The following C11orf65 variants were observed in gnomAD, a reference collection of about 807,000 sequenced individuals.
The protein encoded by C11orf65 is chromosome 11 open reading frame 65.
In C11orf65, 38 loss-of-function variants were observed where a neutral mutation model predicts 35.3. That is an observed-to-expected ratio of 1.08 (90% CI 0.83 to 1.41). The LOEUF is 1.41. C11orf65 is among the 40% of genes most tolerant of loss of function. C11orf65 has a pLI of 0.00. For missense variants in C11orf65, 370 were observed against 367.1 expected, an observed-to-expected ratio of 1.01 and a Z score of -0.06; for synonymous variants, 105 against 114.4, an observed-to-expected ratio of 0.92 and a Z score of 0.53.
intron 2 of C11orf65, chr11:108,368,997 A>G (rs970354150): frequency 2.2e-5 from 4 of 183,816 alleles, no homozygotes; most frequent in African/African-American, 9.4e-5. Flanking sequence ...TTGCACCTTA[A>G]TGAAATTATC....
chr11:108,366,794 G>A (rs1288670842), intron 2 of C11orf65: 1 of 230,266 alleles, frequency 4.3e-6, no homozygotes, highest in Non-Finnish European at 8.6e-6. Context: ...GAGAGTATAA[G>A]CTTCCATGTG....
upstream of C11orf65, among the ~76,000 whole-genome samples, chr11:108,468,422 G>C (rs182777255): frequency 4.1e-4 from 62 of 152,268 alleles, no homozygotes; most frequent in Admixed American, 9.8e-4. Flanking sequence ...TGCTTTAGTT[G>C]GTCACAGATT....
chr11:108,426,170 AT>A (rs1456565795), intron 3 of C11orf65, among the ~76,000 whole-genome samples: 2 of 152,226 alleles, frequency 1.3e-5, no homozygotes, highest in Non-Finnish European at 2.9e-5. Flanking sequence ...AGAGAAAAAA[AT>A]AAAGAGTATT....
At chr11:108,453,636 G>A (rs925598272) in intron 2 of C11orf65, among the ~76,000 whole-genome samples, 17 of 152,146 alleles carry the variant, frequency 1.1e-4, no homozygotes, top group Non-Finnish European at 2.4e-4. Context: ...CAGACAAGAA[G>A]TACTGTAAAA....
At chr11:108,381,724 G>A (rs986242360), downstream of C11orf65, among the ~76,000 whole-genome samples, 4 of 152,120 alleles carry the variant, frequency 2.6e-5, no homozygotes, top group African/African-American at 9.7e-5. Context: ...TCCTTTGAAA[G>A]GAATCACTAA....
At chr11:108,434,663 T>C (rs1161558557) in intron 2 of C11orf65, among the ~76,000 whole-genome samples, 3 of 152,132 alleles carry the variant, frequency 2.0e-5, no homozygotes, top group African/African-American at 7.2e-5. Context: ...GGGAACTACC[T>C]AGCTTCCTTG....
At chr11:108,354,666 G>A in intron 2 of C11orf65, 1 of 779,128 alleles carries the variant, frequency 1.3e-6, no homozygotes, top group South Asian at 1.5e-5. Context: ...AGCCCACTCT[G>A]CCAAGTATTA....
At chr11:108,330,412 C>T (rs1320014489), downstream of C11orf65, 1 of 1,614,060 alleles carries the variant, frequency 6.2e-7, no homozygotes, top group South Asian at 1.1e-5. Context: ...AAGTCAATGG[C>T]ATGATGAAGG....
intron 2 of C11orf65, among the ~76,000 whole-genome samples, chr11:108,358,528 T>C (rs1217191640): frequency 1.4e-5 from 2 of 141,992 alleles, no homozygotes; most frequent in Non-Finnish European, 1.5e-5. Flanking sequence ...GGAAAAAATG[T>C]TAAGGGCAGC....
intron 3 of C11orf65, among the ~76,000 whole-genome samples, chr11:108,410,696 AT>A (rs1366136917): frequency 7.5e-6 from 1 of 133,630 alleles, no homozygotes; most frequent in Non-Finnish European, 1.6e-5. Flanking sequence ...TATCTTCACT[AT>A]TTCCTTCCTT....
At chr11:108,371,669 C>G (rs1238671876) in intron 2 of C11orf65, among the ~76,000 whole-genome samples, 1 of 151,996 alleles carries the variant, frequency 6.6e-6, no homozygotes, top group Non-Finnish European at 1.5e-5. Context: ...TTGTCTCTAC[C>G]CTTTGACTAT....
chr11:108,430,127 CTT>C lies in C11orf65; in HGVS notation c.174+1617_174+1618del, dbSNP rs34005627. On this transcript the variant is annotated intron_variant, in intron 3 of 8. Coordinates refer to ENST00000393084, the MANE Select transcript of C11orf65 (RefSeq NM_152587.5). ...GTGTTTAGTACTACTGAACTGTATT[CTT>C]TTTTTTTTTTTTTTTTTGAGACAGA... is the stretch of plus-strand genomic sequence containing the variant. Among the ~76,000 whole-genome samples, 240 of 113,374 alleles carry C rather than the reference CTT, an allele frequency of 2.1e-3. 1 individual carries two copies. Among genetic ancestry groups the C allele is most frequent in the South Asian group, 4.1e-3 (13 of 3,196 alleles). 74.4% of individuals were successfully genotyped at this position (113,374 alleles called of 152,430 possible). A position where few individuals can be genotyped will look rare whatever the true frequency, so the allele number is the denominator to read the frequency against.
At chr11:108,434,291 G>A (rs1188008479) in intron 2 of C11orf65, among the ~76,000 whole-genome samples, 1 of 152,042 alleles carries the variant, frequency 6.6e-6, no homozygotes, top group Non-Finnish European at 1.5e-5. Flanking sequence ...GATCACTTGA[G>A]GTCAGGGGTT....
chr11:108,358,387 G>A (rs1283713352), intron 2 of C11orf65, among the ~76,000 whole-genome samples: 1 of 145,590 alleles, frequency 6.9e-6, no homozygotes, highest in African/African-American at 2.6e-5. Flanking sequence ...TATTATCCAG[G>A]AGAACTTCCC....
downstream of C11orf65, chr11:108,327,640 T>A: frequency 6.2e-7 from 1 of 1,612,052 alleles, no homozygotes; most frequent in East Asian, 2.2e-5. Context: ...GCCTTTCTTA[T>A]ACAGAACAAT....
intron 2 of C11orf65, chr11:108,355,947 G>A (rs1181462780): frequency 1.3e-5 from 2 of 152,192 alleles, no homozygotes; most frequent in African/African-American, 2.4e-5. Flanking sequence ...TGGTAATACA[G>A]ATTTTGCTAC....
upstream of C11orf65, among the ~76,000 whole-genome samples, chr11:108,469,534 C>A (rs931426106): frequency 6.6e-6 from 1 of 151,442 alleles, no homozygotes; most frequent in Non-Finnish European, 1.5e-5. Flanking sequence ...ACCGCGATTA[C>A]TTTTGCATCA....
chr11:108,361,764 G>C (rs996231677), intron 2 of C11orf65, among the ~76,000 whole-genome samples: 4 of 152,036 alleles, frequency 2.6e-5, no homozygotes, highest in Admixed American at 2.0e-4. Flanking sequence ...GCTGAAACTG[G>C]ATCCCTTCCT....
At chr11:108,317,137 G>A (rs1275784975) in intron 6 of C11orf65, among the ~76,000 whole-genome samples, 2 of 151,426 alleles carry the variant, frequency 1.3e-5, no homozygotes, top group African/African-American at 2.4e-5. Context: ...ACAGGTCTTG[G>A]TTTGTTGTCC....
Sources: gnomAD v4.1 joint callset for allele counts (sites outside exome capture counted in the v4.1 genomes callset) on GRCh38, gnomAD v4.1.1 for gene constraint, MANE v1.5 for transcripts, NCBI Gene and HGNC (gene_info 2026-07-23, HGNC 2026-07-21) for gene names.